Variants in MYO9A observed in about 807,000 individuals in gnomAD.
The protein encoded by MYO9A is unconventional myosin-IXa.
Under a neutral mutation model 293.3 loss-of-function variants are expected in MYO9A, and 103 were observed. The observed-to-expected ratio is 0.35, with a 90% CI of 0.30 to 0.41. The LOEUF is 0.41. Ranked by LOEUF, MYO9A falls within the 10% of genes least tolerant of loss-of-function variation. MYO9A has a pLI of 1.00. For missense variants in MYO9A, 2,685 were observed against 3,033.0 expected (o/e 0.89, Z 2.69); for synonymous variants, 1,001 against 1,035.7 (o/e 0.97, Z 0.64).
intron 1 of MYO9A, among the ~76,000 whole-genome samples, chr15:72,079,584 T>G (rs910697955): frequency 6.6e-6 from 1 of 152,070 alleles, no homozygotes; most frequent in Non-Finnish European, 1.5e-5. Flanking sequence ...CAAATAAATA[T>G]ATGAAAACAC....
intron 1 of MYO9A, among the ~76,000 whole-genome samples, chr15:72,098,880 A>T (rs1315288209): frequency 1.3e-5 from 2 of 152,174 alleles, no homozygotes; most frequent in African/African-American, 4.8e-5. Context: ...AAATGATAAA[A>T]ACGAAGAAGT....
rs1444307920 is a variant in MYO9A, at chr15:71,925,548, T to C, written c.2562+8122A>G. On this transcript the variant is annotated intron_variant, in intron 18 of 41. Transcript: ENST00000356056. ...TTAATTCTTTTCTCTTTCTTATTTA[T>C]GTATCTGCTGTCGTTTTGTTCTTTC... Among the ~76,000 whole-genome samples, 3 of 152,100 alleles carry C rather than the reference T, an allele frequency of 2.0e-5. No individual in the cohort carries two copies. The East Asian group carries it at 5.8e-4, about 29-fold the overall frequency.
intron 13 of MYO9A, among the ~76,000 whole-genome samples, chr15:71,967,223 CAT>C (rs536849764): frequency 2.0e-5 from 3 of 152,112 alleles, no homozygotes; most frequent in Non-Finnish European, 2.9e-5. Flanking sequence ...GATACACACA[CAT>C]ATATATATGC....
At chr15:71,931,843 C>T (rs184479309) in intron 18 of MYO9A, among the ~76,000 whole-genome samples, 1 of 152,300 alleles carries the variant, frequency 6.6e-6, no homozygotes, top group African/African-American at 2.4e-5. Context: ...GTAGAAGAAC[C>T]TAACCAGTCA....
intron 1 of MYO9A, among the ~76,000 whole-genome samples, chr15:72,099,420 CCCAAAAAAAAAAA>C (rs758986027): frequency 0.01 from 280 of 27,848 alleles, 3 homozygotes; most frequent in Non-Finnish European, 0.02. Flanking sequence ...AAGACCCTGC[CCCAAAAAAAAAAA>C]AAAAAAAAAG....
chr15:72,114,404 G>A (rs570320345), intron 1 of MYO9A: 6 of 152,198 alleles, frequency 3.9e-5, no homozygotes, highest in Admixed American at 1.3e-4. Context: ...AAAGTAATAA[G>A]GAATGACCTG....
Position 72,014,797 on chromosome 15 carries a change from GAAAC to G in MYO9A, c.1155+4238_1155+4241del, listed in dbSNP as rs982633335. 4.4e-4 allele frequency among the ~76,000 whole-genome samples: 66 copies of G among 150,808 alleles called. No homozygotes were observed. The South Asian group carries it at 0.014, about 31-fold the overall frequency. The stretch of plus-strand genomic sequence containing the variant: ...GAAAGAAAGAAAAGAAAGAAGGAAG[GAAAC>G]AAAGAAAGAAAAGAAAAGAGAAGAA... On this transcript the variant is annotated intron_variant, in intron 6 of 41. Transcript: ENST00000356056.
intron 1 of MYO9A, among the ~76,000 whole-genome samples, chr15:72,070,095 C>G (rs977772045): frequency 6.8e-5 from 10 of 146,376 alleles, no homozygotes; most frequent in Non-Finnish European, 1.3e-4. Flanking sequence ...CTCCACTGCA[C>G]TCCAACCTGG....
chr15:71,951,044 G>T (rs902810434), intron 15 of MYO9A, among the ~76,000 whole-genome samples: 1 of 152,020 alleles, frequency 6.6e-6, no homozygotes, highest in African/African-American at 2.4e-5. Context: ...GAGACCAAGG[G>T]CATCTTTTCA....
At chr15:71,906,514 C>T (rs935779773) in intron 19 of MYO9A, among the ~76,000 whole-genome samples, 4 of 152,042 alleles carry the variant, frequency 2.6e-5, no homozygotes, top group Admixed American at 6.6e-5. Flanking sequence ...ACATGTAAGA[C>T]TTGGTAAATT....
At chr15:72,057,462 A>G (rs2078754174) in intron 1 of MYO9A, among the ~76,000 whole-genome samples, 1 of 152,142 alleles carries the variant, frequency 6.6e-6, no homozygotes, top group Non-Finnish European at 1.5e-5. Context: ...TTGAAAAACT[A>G]TTTCTCCTCC....
intron 34 of MYO9A, among the ~76,000 whole-genome samples, chr15:71,856,023 G>C (rs2055849107): frequency 6.6e-6 from 1 of 151,950 alleles, no homozygotes; most frequent in African/African-American, 2.4e-5. Flanking sequence ...AAGACTAGTA[G>C]TGTTAGGCCC....
At chr15:71,986,569 G>A (rs1013712923) in intron 11 of MYO9A, among the ~76,000 whole-genome samples, 7 of 152,112 alleles carry the variant, frequency 4.6e-5, no homozygotes, top group Non-Finnish European at 7.4e-5. Flanking sequence ...TCCTGACCCT[G>A]TGTAGGCCTA....
At position 72,069,995 on chromosome 15, in the gene MYO9A, G is replaced by T. The variant is rs58626760; in HGVS notation, c.-71-23361C>A. Among the ~76,000 whole-genome samples, 3 of 151,866 alleles carry T rather than the reference G, an allele frequency of 2.0e-5. No homozygotes were observed. The East Asian group carries it at 5.8e-4, about 29-fold the overall frequency. ...AAAAAAATTAGCTGGGCATGGTGGC[G>T]GCATGCACCTGTAGTCCCTGCTACT... On this transcript the variant is annotated intron_variant, in intron 1 of 41. Coordinates refer to ENST00000356056, the MANE Select transcript of MYO9A (RefSeq NM_006901.4).
In MYO9A at chr15:71,968,006, C is replaced by G; in HGVS notation, c.1964G>C (p.Gly655Ala). 2 of 1,609,814 alleles carry G rather than the reference C, an allele frequency of 1.2e-6. No individual in the cohort carries two copies. Among genetic ancestry groups the G allele is most frequent in the Non-Finnish European group, 1.7e-6 (2 of 1,178,424 alleles). ...EPAFIIKHYA[G>A]KVKYGVKDFR... ...GACCTTTACCCCATATTTTACTTTTCCAGCATAATGTTTTATAATGAAAGC... is the reference window on the plus strand; with the variant it reads ...GACCTTTACCCCATATTTTACTTTTGCAGCATAATGTTTTATAATGAAAGC... Residue 655 changes from glycine to alanine, a missense_variant, in exon 13 of 42, where the codon GGA (glycine) becomes GCA (alanine). Coordinates refer to ENST00000356056, the MANE Select transcript of MYO9A (RefSeq NM_006901.4).
At chr15:72,112,215 AAAAAT>A (rs1406917949) in intron 1 of MYO9A, among the ~76,000 whole-genome samples, 1 of 152,262 alleles carries the variant, frequency 6.6e-6, no homozygotes, top group African/African-American at 2.4e-5. Context: ...AATTGTAAAA[AAAAAT>A]AAATAAATAA....
At chr15:72,005,462 A>G (rs978913417) in intron 8 of MYO9A, among the ~76,000 whole-genome samples, 1 of 152,214 alleles carries the variant, frequency 6.6e-6, no homozygotes, top group African/African-American at 2.4e-5. Flanking sequence ...ATGCCCTGTC[A>G]CAATACCAAA....
chr15:71,953,927 C>T (rs1437896072), intron 14 of MYO9A, among the ~76,000 whole-genome samples: 3 of 150,978 alleles, frequency 2.0e-5, no homozygotes, highest in Admixed American at 6.6e-5. Flanking sequence ...GAGGGAGTCT[C>T]ACTCTGTCGC....
chr15:72,058,641 T>G (rs912530286), intron 1 of MYO9A, among the ~76,000 whole-genome samples: 2 of 152,308 alleles, frequency 1.3e-5, no homozygotes, highest in East Asian at 3.9e-4. Context: ...GAAAATTATT[T>G]AATATTCTTT....
Sources: allele counts gnomAD v4.1 joint callset (sites outside exome capture counted in the v4.1 genomes callset), GRCh38; gene constraint gnomAD v4.1.1; transcripts MANE v1.5; gene names NCBI Gene and HGNC (gene_info 2026-07-23, HGNC 2026-07-21).